SLC5A4: variants seen among roughly 807,000 people sequenced by gnomAD.
SLC5A4 encodes the protein solute carrier family 5 member 4.
A neutral mutation model predicts 70.3 loss-of-function variants in SLC5A4; 55 were observed. The ratio of observed to expected loss-of-function variants is 0.78; its 90% confidence interval spans 0.63 to 0.98. The LOEUF (loss-of-function observed/expected upper bound fraction) is 0.98. Among genes scored for constraint, SLC5A4 ranks in the 50% least tolerant of loss-of-function variants. The pLI is 0.00. For synonymous variants in SLC5A4, 268 were observed against 305.7 expected (o/e 0.88, Z 1.29); for missense variants, 735 against 839.2 (o/e 0.88, Z 1.53).
At chr22:32,338,738 A>G in the SLC5A4 span, among the ~76,000 whole-genome samples, 1 of 152,172 alleles carries the variant, frequency 6.6e-6, no homozygotes, top group Non-Finnish European at 1.5e-5. Context: ...CAGTGCCCTC[A>G]AAAGCTGCCT....
the SLC5A4 span, among the ~76,000 whole-genome samples, chr22:32,337,970 TAAC>T: frequency 6.6e-6 from 1 of 151,934 alleles, no homozygotes; most frequent in South Asian, 2.1e-4. Context: ...TGGCTGTGTT[TAAC>T]AACAGGCTCC....
chr22:32,287,180 A>G, the SLC5A4 span, among the ~76,000 whole-genome samples: 1 of 152,222 alleles, frequency 6.6e-6, no homozygotes, highest in East Asian at 1.9e-4. Flanking sequence ...AAAGGCTCGG[A>G]CTATTCATGA....
the SLC5A4 span, among the ~76,000 whole-genome samples, chr22:32,333,194 G>GCCCCCC: frequency 2.7e-5 from 3 of 111,498 alleles, no homozygotes; most frequent in East Asian, 1.0e-3. Context: ...TCTAGCACTG[G>GCCCCCC]CACCCCCCCC....
At chr22:32,258,538 T>C (rs997993052), upstream of SLC5A4, among the ~76,000 whole-genome samples, 13 of 151,678 alleles carry the variant, frequency 8.6e-5, no homozygotes, top group Non-Finnish European at 1.5e-4. Context: ...GTATGAAATA[T>C]CCCCTCACAC....
intron 7 of SLC5A4, among the ~76,000 whole-genome samples, chr22:32,236,046 C>T (rs908671533): frequency 3.3e-5 from 5 of 152,136 alleles, no homozygotes; most frequent in Admixed American, 1.3e-4. Context: ...AGAATTGAGG[C>T]TTAGAGACCC....
chr22:32,255,566 A>G (rs1927437831), upstream of SLC5A4, among the ~76,000 whole-genome samples: 1 of 152,104 alleles, frequency 6.6e-6, no homozygotes, highest in Non-Finnish European at 1.5e-5. Flanking sequence ...TTTGAGGTGG[A>G]GCATGGGGCG....
At chr22:32,333,416 GTAGGT>G in the SLC5A4 span, among the ~76,000 whole-genome samples, 1 of 152,192 alleles carries the variant, frequency 6.6e-6, no homozygotes, top group Non-Finnish European at 1.5e-5. Flanking sequence ...GTGAATGGGT[GTAGGT>G]AAGCACCTCA....
chr22:32,310,656 G>A, the SLC5A4 span, among the ~76,000 whole-genome samples: 1 of 152,232 alleles, frequency 6.6e-6, no homozygotes, highest in African/African-American at 2.4e-5. Flanking sequence ...GGAGACAGCT[G>A]GACCCAAAGA....
intron 13 of SLC5A4, among the ~76,000 whole-genome samples, chr22:32,222,521 A>G (rs543617407): frequency 5.5e-4 from 84 of 152,338 alleles, no homozygotes; most frequent in African/African-American, 1.9e-3. Context: ...GGTCCTTCAG[A>G]CAATATTTTT....
the SLC5A4 span, among the ~76,000 whole-genome samples, chr22:32,328,665 C>T: frequency 5.3e-5 from 8 of 152,288 alleles, no homozygotes; most frequent in East Asian, 1.5e-3. Flanking sequence ...CTGAGAGACC[C>T]CAAGCCAGGA....
the SLC5A4 span, among the ~76,000 whole-genome samples, chr22:32,297,527 A>G: frequency 2.5e-5 from 2 of 79,726 alleles, 1 homozygote; most frequent in Non-Finnish European, 5.1e-5. Flanking sequence ...TATTGTGTCT[A>G]TTTGATTCTT....
At chr22:32,243,295 C>T (rs1295474915) in intron 5 of SLC5A4, among the ~76,000 whole-genome samples, 1 of 152,056 alleles carries the variant, frequency 6.6e-6, no homozygotes, top group Non-Finnish European at 1.5e-5. Context: ...TCAGTATCAT[C>T]AAAGACAGAA....
chr22:32,231,679 T>C (rs955089093), intron 9 of SLC5A4, among the ~76,000 whole-genome samples: 1 of 152,252 alleles, frequency 6.6e-6, no homozygotes, highest in African/African-American at 2.4e-5. Flanking sequence ...TTTTCATTCC[T>C]TCCTAATCCT....
the SLC5A4 span, among the ~76,000 whole-genome samples, chr22:32,279,457 A>G: frequency 2.0e-5 from 3 of 152,260 alleles, no homozygotes; most frequent in African/African-American, 7.2e-5. Context: ...CTGCAATGAA[A>G]CAAAGCAGGT....
At chr22:32,336,240 G>C in the SLC5A4 span, among the ~76,000 whole-genome samples, 23,082 of 152,068 alleles carry the variant, frequency 0.15, 2,151 homozygotes, top group East Asian at 0.47. Flanking sequence ...TCTTGCTGCA[G>C]CTCAGAGGGT....
At chr22:32,249,343 G>C (rs574439751) in intron 3 of SLC5A4, among the ~76,000 whole-genome samples, 1 of 152,294 alleles carries the variant, frequency 6.6e-6, no homozygotes, top group South Asian at 2.1e-4. Context: ...GCCTTACAGA[G>C]ATTAAGGGGG....
the SLC5A4 span, chr22:32,269,495 G>T: frequency 1.8e-6 from 1 of 569,300 alleles, no homozygotes; most frequent in East Asian, 4.3e-5. The surrounding 1 kb of genome is among the most constrained non-coding windows in gnomAD (Gnocchi z 4.1). Flanking sequence ...GACCTGGCCC[G>T]GGCACGTGGC....
the SLC5A4 span, among the ~76,000 whole-genome samples, chr22:32,302,994 T>C: frequency 6.6e-6 from 1 of 152,148 alleles, no homozygotes; most frequent in African/African-American, 2.4e-5. Context: ...CCTTCAGCAG[T>C]GTTTTCTCTT....
At chr22:32,344,399 C>T in the SLC5A4 span, among the ~76,000 whole-genome samples, 1 of 152,102 alleles carries the variant, frequency 6.6e-6, no homozygotes, top group Non-Finnish European at 1.5e-5. Flanking sequence ...TTATTTAAAC[C>T]TTAATTAAAA....
Sources: allele counts gnomAD v4.1 joint callset (sites outside exome capture counted in the v4.1 genomes callset), GRCh38; gene constraint gnomAD v4.1.1; non-coding constraint Gnocchi (gnomAD v3.1); transcripts MANE v1.5; gene names NCBI Gene and HGNC (gene_info 2026-07-23, HGNC 2026-07-21).